PDGFD: variants seen among roughly 807,000 people sequenced by gnomAD.
The protein encoded by PDGFD is platelet-derived growth factor D.
In PDGFD, 30 loss-of-function variants were observed where a neutral mutation model predicts 44.7. That is an observed-to-expected ratio of 0.67 (90% CI 0.50 to 0.91). The LOEUF (loss-of-function observed/expected upper bound fraction) is 0.91, where lower values mean the gene tolerates loss of function less well. Among genes scored for constraint, PDGFD ranks in the 40% least tolerant of loss-of-function variants. The probability of loss-of-function intolerance (pLI) is 0.00; values close to 1 mark genes in which losing one functional copy is unlikely to be tolerated. For missense variants in PDGFD, 445 were observed against 457.8 expected (o/e 0.97, Z 0.25); for synonymous variants, 173 against 168.4 (o/e 1.03, Z -0.21).
intron 3 of PDGFD, among the ~76,000 whole-genome samples, chr11:103,989,830 G>A (rs1022901343): frequency 2.6e-5 from 4 of 151,996 alleles, no homozygotes; most frequent in African/African-American, 9.7e-5. Context: ...TTTTTATTGA[G>A]CACCTTTTAT....
intron 1 of PDGFD, among the ~76,000 whole-genome samples, chr11:104,162,880 A>G (rs1260840079): frequency 6.6e-6 from 1 of 152,184 alleles, no homozygotes; most frequent in Non-Finnish European, 1.5e-5. Flanking sequence ...GGAAAAAACA[A>G]GATCCAAAAG....
intron 5 of PDGFD, among the ~76,000 whole-genome samples, chr11:103,930,360 C>T (rs574471876): frequency 6.6e-6 from 1 of 152,232 alleles, no homozygotes; most frequent in Admixed American, 6.5e-5. Flanking sequence ...TGTGAATGCA[C>T]ACCCTTTTAT....
intron 3 of PDGFD, among the ~76,000 whole-genome samples, chr11:103,977,520 T>C (rs530226907): frequency 1.3e-5 from 2 of 152,002 alleles, no homozygotes; most frequent in Non-Finnish European, 2.9e-5. Flanking sequence ...GCATTTAGTA[T>C]TGGTTTAACT....
intron 1 of PDGFD, among the ~76,000 whole-genome samples, chr11:104,150,771 G>A (rs949687021): frequency 5.9e-5 from 9 of 151,928 alleles, no homozygotes; most frequent in East Asian, 5.8e-4. Context: ...AATCTCCCTC[G>A]GCATCTCTCT....
chr11:104,004,872 C>T (rs1175609949), intron 1 of PDGFD, among the ~76,000 whole-genome samples: 3 of 71,894 alleles, frequency 4.2e-5, no homozygotes, highest in East Asian at 4.9e-4. Flanking sequence ...TTATTACCAC[C>T]TTTTTTTTTT....
intron 1 of PDGFD, among the ~76,000 whole-genome samples, chr11:104,063,258 A>G (rs577494969): frequency 2.0e-5 from 3 of 151,996 alleles, no homozygotes; most frequent in Admixed American, 2.0e-4. Flanking sequence ...GGAAATCTCT[A>G]TAAGAGTCCT....
intron 1 of PDGFD, among the ~76,000 whole-genome samples, chr11:104,113,707 T>C (rs1183100155): frequency 6.6e-6 from 1 of 151,950 alleles, no homozygotes; most frequent in Non-Finnish European, 1.5e-5. Flanking sequence ...GATCTTCCAA[T>C]GTGGCTGTAT....
At chr11:104,080,356 C>T (rs954063158) in intron 1 of PDGFD, among the ~76,000 whole-genome samples, 21 of 152,052 alleles carry the variant, frequency 1.4e-4, no homozygotes, top group Admixed American at 1.0e-3. Context: ...TAGTATCAAC[C>T]AATATCAGAT....
chr11:103,994,255 GC>G (rs1448344125), intron 3 of PDGFD, among the ~76,000 whole-genome samples: 2 of 152,124 alleles, frequency 1.3e-5, no homozygotes, highest in African/African-American at 4.8e-5. Context: ...GTATTTTAAG[GC>G]AAAAAATAAT....
chr11:104,135,970 G>C (rs1441480803), intron 1 of PDGFD, among the ~76,000 whole-genome samples: 1 of 152,134 alleles, frequency 6.6e-6, no homozygotes, highest in Non-Finnish European at 1.5e-5. Flanking sequence ...TGGAAGCCTG[G>C]GAAGGATTCT....
At chr11:103,940,955 T>A (rs1263508536) in intron 5 of PDGFD, among the ~76,000 whole-genome samples, 2 of 152,166 alleles carry the variant, frequency 1.3e-5, no homozygotes, top group African/African-American at 4.8e-5. Context: ...CTCTCCAGTC[T>A]ATGGGGTGGT....
intron 3 of PDGFD, among the ~76,000 whole-genome samples, chr11:103,968,983 C>A (rs1185683165): frequency 6.6e-6 from 1 of 152,186 alleles, no homozygotes; most frequent in Non-Finnish European, 1.5e-5. Context: ...CAACTCTTTC[C>A]CATTTATCTA....
In PDGFD at chr11:103,909,423, G is replaced by A; in HGVS notation, c.*271C>T. 1 of 373,706 alleles carries A rather than the reference G, an allele frequency of 2.7e-6. No homozygotes were observed. Among genetic ancestry groups the A allele is most frequent in the African/African-American group, 2.0e-5 (1 of 49,420 alleles). 23.1% of individuals were successfully genotyped at this position (373,706 alleles called of 1,614,324 possible). A position where few individuals can be genotyped will look rare whatever the true frequency, so the allele number is the denominator to read the frequency against. ...AAAACATTTGATCTATATACACATAGACATGAATATATTTCTGTGTGTGTT... is the reference window on the plus strand; with the variant it reads ...AAAACATTTGATCTATATACACATAAACATGAATATATTTCTGTGTGTGTT... On this transcript the variant is annotated 3_prime_UTR_variant, in exon 7 of 7. Coordinates refer to ENST00000393158, the MANE Select transcript of PDGFD (RefSeq NM_025208.5).
intron 6 of PDGFD, among the ~76,000 whole-genome samples, chr11:103,915,404 C>T (rs899692281): frequency 6.6e-6 from 1 of 152,124 alleles, no homozygotes; most frequent in Non-Finnish European, 1.5e-5. Flanking sequence ...CACGTAGGAA[C>T]TCTTCAAGGA....
chr11:104,087,881 T>C (rs1283029742), intron 1 of PDGFD, among the ~76,000 whole-genome samples: 1 of 152,232 alleles, frequency 6.6e-6, no homozygotes, highest in Non-Finnish European at 1.5e-5. Flanking sequence ...TTTGTAATAA[T>C]GTCCCATGAT....
In PDGFD at chr11:103,943,613, G is replaced by C. The variant is rs376676444; in HGVS notation, c.611C>G (p.Thr204Ser). Residue 204 changes from threonine (T) to serine (S), a missense_variant, in exon 5 of 7, where the codon ACT becomes AGT. Thr to Ser is a moderately conservative substitution (Grantham distance 58). Coordinates refer to ENST00000393158, the MANE Select transcript of PDGFD (RefSeq NM_025208.5). ...SYNSPSVTDPTLIADALDKKI... is the reference protein window; with the variant it reads ...SYNSPSVTDPSLIADALDKKI... ...TTTGTCCAGAGCATCCGCAATCAGAGTGGGATCCGTTACTGATGGAGAGTT... is the reference window on the plus strand; with the variant it reads ...TTTGTCCAGAGCATCCGCAATCAGACTGGGATCCGTTACTGATGGAGAGTT... The C allele has an allele frequency of 3.1e-6, 5 of 1,613,010 alleles. No homozygotes were observed. Among genetic ancestry groups the C allele is most frequent in the Non-Finnish European group, 4.2e-6 (5 of 1,179,470 alleles).
intron 1 of PDGFD, among the ~76,000 whole-genome samples, chr11:104,163,530 G>A (rs951453731): frequency 2.0e-5 from 3 of 152,004 alleles, no homozygotes; most frequent in Non-Finnish European, 4.4e-5. Context: ...GGTACCAGAG[G>A]CTTGGACACC....
At chr11:104,117,804 T>C (rs1052780442) in intron 1 of PDGFD, among the ~76,000 whole-genome samples, 8 of 151,904 alleles carry the variant, frequency 5.3e-5, no homozygotes, top group African/African-American at 1.7e-4. Context: ...AATGGCCATA[T>C]TGCCAAAAGC....
chr11:103,995,831 C>T (rs757035813), intron 3 of PDGFD, among the ~76,000 whole-genome samples: 2 of 152,122 alleles, frequency 1.3e-5, no homozygotes, highest in Non-Finnish European at 2.9e-5. Context: ...TTCCCTTTTT[C>T]TATGTACTAT....
Sources: gnomAD v4.1 joint callset for allele counts (sites outside exome capture counted in the v4.1 genomes callset) on GRCh38, gnomAD v4.1.1 for gene constraint, MANE v1.5 for transcripts, NCBI Gene and HGNC (gene_info 2026-07-23, HGNC 2026-07-21) for gene names.